PDZRN4: variants seen among roughly 807,000 people sequenced by gnomAD.
The protein encoded by PDZRN4 is PDZ domain-containing RING finger protein 4.
In PDZRN4, 70 loss-of-function variants were observed where a neutral mutation model predicts 99.0. The observed-to-expected ratio is 0.71, with a 90% CI of 0.58 to 0.86. The LOEUF (loss-of-function observed/expected upper bound fraction) is 0.86, where lower values mean the gene tolerates loss of function less well. Ranked by LOEUF, PDZRN4 falls within the 40% of genes least tolerant of loss-of-function variation. The probability of loss-of-function intolerance (pLI) is 0.00; values close to 1 mark genes in which losing one functional copy is unlikely to be tolerated. For synonymous variants in PDZRN4, 551 were observed against 501.6 expected (o/e 1.10, Z -1.32); for missense variants, 1,474 against 1,331.2 (o/e 1.11, Z -1.67).
intron 3 of PDZRN4, among the ~76,000 whole-genome samples, chr12:41,233,044 C>T (rs1166056975): frequency 6.6e-6 from 1 of 151,970 alleles, no homozygotes; most frequent in Non-Finnish European, 1.5e-5. Flanking sequence ...GTTTTGGTAC[C>T]AGTACCATGC....
chr12:41,302,632 TCA>T (rs1951543580), intron 3 of PDZRN4, among the ~76,000 whole-genome samples: 1 of 152,146 alleles, frequency 6.6e-6, no homozygotes, highest in Admixed American at 6.6e-5. Flanking sequence ...ATTGTTTCAT[TCA>T]TGCTGAATTT....
At chr12:41,220,053 C>A (rs1306420277) in intron 3 of PDZRN4, among the ~76,000 whole-genome samples, 2 of 152,056 alleles carry the variant, frequency 1.3e-5, no homozygotes, top group African/African-American at 4.8e-5. Flanking sequence ...AACCTAGAAG[C>A]TAAGCTCCAA....
At chr12:41,404,927 A>G (rs1412102634) in intron 3 of PDZRN4, among the ~76,000 whole-genome samples, 1 of 152,190 alleles carries the variant, frequency 6.6e-6, no homozygotes, top group Non-Finnish European at 1.5e-5. Flanking sequence ...AGTCATTTGA[A>G]GAAGGATGAA....
intron 3 of PDZRN4, among the ~76,000 whole-genome samples, chr12:41,302,326 A>G (rs987642232): frequency 1.3e-5 from 2 of 152,150 alleles, no homozygotes; most frequent in Admixed American, 6.6e-5. Flanking sequence ...ACTTGTTAAA[A>G]TGAAACTGTC....
Position 41,557,163 on chromosome 12 carries a change from A to AT in PDZRN4, c.1365+1403_1365+1404insT, listed in dbSNP as rs1939183013. ...GAGACACTCTCAAAAAAAAAAAAAAAAAAAAAAAAAGAATGGCTGCAGGGA... is the reference window on the plus strand; with the variant it reads ...GAGACACTCTCAAAAAAAAAAAAAAATAAAAAAAAAAGAATGGCTGCAGGGA... On this transcript the variant is annotated intron_variant, in intron 7 of 9. Coordinates refer to ENST00000402685, the MANE Select transcript of PDZRN4 (RefSeq NM_001164595.2). Among the ~76,000 whole-genome samples the AT allele has an allele frequency of 2.4e-5, 3 of 125,490 alleles. No individual in the cohort carries two copies. The South Asian group carries it at 6.6e-4, about 28-fold the overall frequency. The allele number at this position is 125,490 out of a possible 152,430, so 82.3% of individuals were successfully genotyped here.
chr12:41,328,314 A>G (rs1951722541), intron 3 of PDZRN4, among the ~76,000 whole-genome samples: 1 of 152,116 alleles, frequency 6.6e-6, no homozygotes, highest in South Asian at 2.1e-4. Flanking sequence ...ATACTGAAAA[A>G]TATAGAACAA....
At chr12:41,316,251 G>A (rs1168329556) in intron 3 of PDZRN4, among the ~76,000 whole-genome samples, 2 of 152,138 alleles carry the variant, frequency 1.3e-5, no homozygotes, top group East Asian at 3.9e-4. Context: ...AGACATGCCA[G>A]TATAAATAAA....
At chr12:41,191,153 A>T (rs1018139238) in intron 1 of PDZRN4, among the ~76,000 whole-genome samples, 1 of 152,228 alleles carries the variant, frequency 6.6e-6, no homozygotes, top group Non-Finnish European at 1.5e-5. Context: ...TTTCAATTGC[A>T]GTGAAATCAG....
intron 3 of PDZRN4, among the ~76,000 whole-genome samples, chr12:41,383,185 A>G (rs540159389): frequency 6.6e-6 from 1 of 152,170 alleles, no homozygotes; most frequent in Admixed American, 6.5e-5. Flanking sequence ...AGAGCACTGA[A>G]TGAGGACTTT....
At chr12:41,555,795 G>C in intron 7 of PDZRN4, 35 bp downstream of exon 7, 1 of 1,489,654 alleles carries the variant, frequency 6.7e-7, no homozygotes, top group Non-Finnish European at 9.4e-7. Flanking sequence ...AGTTCCCCAC[G>C]ATCTGTCCAA....
At chr12:41,503,736 G>GA (rs1200218292) in intron 3 of PDZRN4, among the ~76,000 whole-genome samples, 1 of 152,074 alleles carries the variant, frequency 6.6e-6, no homozygotes, top group Non-Finnish European at 1.5e-5. Context: ...TTGTCTTGGG[G>GA]AAAAAATAGG....
Position 41,312,395 on chromosome 12 carries a change from A to G in PDZRN4, c.843+118207A>G, listed in dbSNP as rs564930191. Among the ~76,000 whole-genome samples, 6 of 152,272 alleles carry G rather than the reference A, an allele frequency of 3.9e-5. No individual in the cohort carries two copies. In the South Asian group the frequency reaches 1.2e-3, roughly 32 times the overall value. On this transcript the variant is annotated intron_variant, in intron 3 of 9. Coordinates refer to ENST00000402685, the MANE Select transcript of PDZRN4 (RefSeq NM_001164595.2). Reference sequence around the variant, plus strand: ...TTTTAATAAATCCAGGTCTTGTAGTATCTTCATTTGCTCACTTGACTTTGC... The same window carrying G: ...TTTTAATAAATCCAGGTCTTGTAGTGTCTTCATTTGCTCACTTGACTTTGC...
chr12:41,301,610 T>A (rs1405555), intron 3 of PDZRN4, among the ~76,000 whole-genome samples: 2 of 152,080 alleles, frequency 1.3e-5, no homozygotes, highest in African/African-American at 4.8e-5. Flanking sequence ...TTAATCATAC[T>A]ACATATTATA....
intron 5 of PDZRN4, among the ~76,000 whole-genome samples, chr12:41,534,564 C>A (rs1208129317): frequency 6.6e-6 from 1 of 152,116 alleles, no homozygotes; most frequent in East Asian, 1.9e-4. Context: ...TCTGTTCCTG[C>A]ATTAGTTTGC....
chr12:41,339,543 C>T (rs1216301624), intron 3 of PDZRN4, among the ~76,000 whole-genome samples: 1 of 152,006 alleles, frequency 6.6e-6, no homozygotes, highest in Non-Finnish European at 1.5e-5. Flanking sequence ...ACCCAAAAAG[C>T]ATCAGCAACA....
chr12:41,264,727 A>G (rs992537959), intron 3 of PDZRN4, among the ~76,000 whole-genome samples: 12 of 152,224 alleles, frequency 7.9e-5, no homozygotes, highest in African/African-American at 2.9e-4. Context: ...ATAAATACAA[A>G]TAGATGGTGC....
At chr12:41,437,090 C>T (rs1952636496) in intron 3 of PDZRN4, among the ~76,000 whole-genome samples, 1 of 152,088 alleles carries the variant, frequency 6.6e-6, no homozygotes, top group Non-Finnish European at 1.5e-5. Context: ...GTATCATCTG[C>T]TAATACTTGC....
chr12:41,424,284 C>T (rs530087621), intron 3 of PDZRN4, among the ~76,000 whole-genome samples: 1 of 152,060 alleles, frequency 6.6e-6, no homozygotes. Flanking sequence ...ATCTTTAGCT[C>T]TATATGACAC....
intron 3 of PDZRN4, among the ~76,000 whole-genome samples, chr12:41,495,869 A>C (rs560500596): frequency 1.1e-4 from 17 of 151,916 alleles, no homozygotes; most frequent in Non-Finnish European, 2.5e-4. Context: ...GCAGTTTATA[A>C]AGTTTTTCAT....
Sources: allele counts gnomAD v4.1 joint callset (sites outside exome capture counted in the v4.1 genomes callset), GRCh38; gene constraint gnomAD v4.1.1; transcripts MANE v1.5; gene names NCBI Gene and HGNC (gene_info 2026-07-23, HGNC 2026-07-21).